The following ZNF292 variants were observed in gnomAD, a reference collection of about 807,000 sequenced individuals.
The protein encoded by ZNF292 is zinc finger protein 292.
In ZNF292, 26 loss-of-function variants were observed where a neutral mutation model predicts 217.9. The ratio of observed to expected loss-of-function variants is 0.12; its 90% CI spans 0.09 to 0.17. The LOEUF is 0.17. Ranked by LOEUF, ZNF292 falls within the 10% of genes least tolerant of loss-of-function variation. ZNF292 has a pLI of 1.00. For missense variants in ZNF292, 2,904 were observed against 3,175.2 expected (o/e 0.91, Z 2.05); for synonymous variants, 1,257 against 1,124.1 (o/e 1.12, Z -2.37).
intron 5 of ZNF292, among the ~76,000 whole-genome samples, chr6:87,243,008 T>G (rs1312999370): frequency 6.6e-6 from 1 of 152,160 alleles, no homozygotes; most frequent in African/African-American, 2.4e-5. Context: ...CCCTCATGAA[T>G]AGATACGTAG....
At chr6:87,187,623 G>C (rs1379795665) in intron 1 of ZNF292, among the ~76,000 whole-genome samples, 2 of 150,976 alleles carry the variant, frequency 1.3e-5, no homozygotes, top group African/African-American at 4.9e-5. Context: ...GCTGAGGTGG[G>C]AGGATCACTT....
At chr6:87,160,812 T>A (rs927047077) in intron 1 of ZNF292, among the ~76,000 whole-genome samples, 2 of 152,142 alleles carry the variant, frequency 1.3e-5, no homozygotes, top group African/African-American at 4.8e-5. Flanking sequence ...TTTTGGATGT[T>A]GCTATGACTA....
At chr6:87,184,976 A>T (rs1270231168) in intron 1 of ZNF292, among the ~76,000 whole-genome samples, 1 of 152,162 alleles carries the variant, frequency 6.6e-6, no homozygotes, top group African/African-American at 2.4e-5. Context: ...GTGAGGTCAG[A>T]TCTTCCCTAC....
At chr6:87,216,196 A>G (rs1772765117) in intron 2 of ZNF292, 103 bp from the exon 3 acceptor site, 32 of 1,316,050 alleles carry the variant, frequency 2.4e-5, no homozygotes, top group Non-Finnish European at 3.4e-5. Context: ...TTTTAAATAG[A>G]TTAGTTATGG....
chr6:87,181,986 G>T (rs1294640705), intron 1 of ZNF292, among the ~76,000 whole-genome samples: 8 of 151,898 alleles, frequency 5.3e-5, no homozygotes, highest in Non-Finnish European at 1.0e-4. Context: ...TCATTTTTTT[G>T]ATTGGATCCT....
intron 1 of ZNF292, among the ~76,000 whole-genome samples, chr6:87,193,980 C>G (rs1239049450): frequency 6.6e-6 from 1 of 152,102 alleles, no homozygotes; most frequent in Non-Finnish European, 1.5e-5. Flanking sequence ...GGAGATAAAA[C>G]ATCTTAAAGG....
intron 1 of ZNF292, among the ~76,000 whole-genome samples, chr6:87,183,732 G>A (rs541022346): frequency 6.6e-6 from 1 of 152,168 alleles, no homozygotes; most frequent in East Asian, 1.9e-4. Context: ...TAGTCACATG[G>A]GTATAACAGT....
At chr6:87,217,597 C>G (rs1772853324) in intron 3 of ZNF292, among the ~76,000 whole-genome samples, 1 of 151,974 alleles carries the variant, frequency 6.6e-6, no homozygotes, top group African/African-American at 2.4e-5. Flanking sequence ...ATTTTGTTTG[C>G]CAACGTAAGA....
At position 87,258,056 on chromosome 6, in the gene ZNF292, CTAACTT is replaced by C; in HGVS notation, c.4431_4436del (p.Phe1478_Asn1479del). On this transcript the variant is annotated inframe_deletion, in exon 8 of 8. Coordinates refer to ENST00000369577, the MANE Select transcript of ZNF292 (RefSeq NM_015021.3). ...AATACATTTCCTCGATCTGGTGTGA[CTAACTT>C]TAATACCAGTGTCAGTCAAGAAGGT... 6.2e-7 allele frequency: 1 copy of C among 1,613,768 alleles called. No homozygotes were observed. Among genetic ancestry groups the C allele is most frequent in the African/African-American group, 1.3e-5 (1 of 75,038 alleles).
intron 1 of ZNF292, among the ~76,000 whole-genome samples, chr6:87,209,058 TA>T (rs1772367158): frequency 2.0e-5 from 3 of 150,534 alleles, no homozygotes; most frequent in Admixed American, 1.3e-4. Flanking sequence ...GCTTAACTCC[TA>T]AAATAGACTT....
intron 1 of ZNF292, among the ~76,000 whole-genome samples, chr6:87,214,243 T>TA (rs1772627987): frequency 6.6e-6 from 1 of 152,180 alleles, no homozygotes; most frequent in Non-Finnish European, 1.5e-5. Context: ...TGTTCATCAT[T>TA]ACATTTAACA....
intron 7 of ZNF292, chr6:87,249,387 C>T (rs756501922): frequency 1.2e-5 from 5 of 423,912 alleles, no homozygotes; most frequent in Non-Finnish European, 1.9e-5. Context: ...CTTGGCCTTC[C>T]AAAGTGGTGG....
chr6:87,159,757 G>T (rs906035535), intron 1 of ZNF292, among the ~76,000 whole-genome samples: 1 of 152,064 alleles, frequency 6.6e-6, no homozygotes, highest in African/African-American at 2.4e-5. Context: ...GGGATTACAG[G>T]CGTGAGCCAC....
rs764033036 is a variant in ZNF292 at position 87,155,584 on chromosome 6, G to C, written c.-8G>C. 3 of 1,575,094 alleles carry C rather than the reference G, an allele frequency of 1.9e-6. No homozygotes were observed. The highest frequency in any genetic ancestry group is 1.9e-4 in the Middle Eastern group (1 of 5,228). On this transcript the variant is annotated 5_prime_UTR_variant, in exon 1 of 8. Coordinates refer to ENST00000369577, the MANE Select transcript of ZNF292 (RefSeq NM_015021.3). The stretch of plus-strand genomic sequence containing the variant: ...CCAGGTGCGTACGCGACGGAGCGGG[G>C]TGTGAAGATGGCGGACGAAGAGGCC...
chr6:87,178,503 A>T (rs1487968581), intron 1 of ZNF292, among the ~76,000 whole-genome samples: 1 of 152,240 alleles, frequency 6.6e-6, no homozygotes, highest in Admixed American at 6.5e-5. Context: ...ATGTGAGTGT[A>T]TAATAAGTAG....
intron 1 of ZNF292, among the ~76,000 whole-genome samples, chr6:87,193,374 T>C (rs185432881): frequency 7.2e-5 from 11 of 152,022 alleles, no homozygotes; most frequent in Admixed American, 7.2e-4. Flanking sequence ...ACGAAAAACA[T>C]TTCTATCAAA....
chr6:87,179,867 G>T lies in ZNF292; in HGVS notation c.168+24108G>T, dbSNP rs575562914. On this transcript the variant is annotated intron_variant, in intron 1 of 7. Coordinates refer to ENST00000369577, the MANE Select transcript of ZNF292 (RefSeq NM_015021.3). ...AGACATTACAGCAACAGCCCAGTCA[G>T]ATTTTTTTCATGCTATCTTTTAGTC... Among the ~76,000 whole-genome samples the T allele has an allele frequency of 1.8e-4, 27 of 152,278 alleles. 1 individual carries two copies. Among genetic ancestry groups the T allele is most frequent in the Non-Finnish European group, 7.4e-5 (5 of 68,008 alleles).
chr6:87,178,185 G>A (rs1189704276), intron 1 of ZNF292, among the ~76,000 whole-genome samples: 1 of 150,200 alleles, frequency 6.7e-6, no homozygotes, highest in Non-Finnish European at 1.5e-5. Context: ...TTATTGAACT[G>A]TGTATGTTTT....
intron 1 of ZNF292, among the ~76,000 whole-genome samples, chr6:87,180,607 C>T (rs533446540): frequency 6.6e-6 from 1 of 152,318 alleles, no homozygotes; most frequent in Admixed American, 6.5e-5. Context: ...TTTCCTTGTG[C>T]AGGCCCTGCT....
Sources: allele counts gnomAD v4.1 joint callset (sites outside exome capture counted in the v4.1 genomes callset), GRCh38; gene constraint gnomAD v4.1.1; transcripts MANE v1.5; gene names NCBI Gene and HGNC (gene_info 2026-07-23, HGNC 2026-07-21).